Variants in TRAK1 observed in about 807,000 individuals in gnomAD.
TRAK1 encodes the protein trafficking kinesin protein 1.
In TRAK1, 33 loss-of-function variants were observed where a neutral mutation model predicts 92.1. The observed-to-expected ratio is 0.36, with a 90% CI of 0.27 to 0.48. TRAK1 has a LOEUF of 0.48. TRAK1 is among the 20% of genes least tolerant of loss of function. The probability of loss-of-function intolerance (pLI) is 0.99; values close to 1 mark genes in which losing one functional copy is unlikely to be tolerated. For synonymous variants in TRAK1, 521 were observed against 517.3 expected, an observed-to-expected ratio of 1.01 and a Z score of -0.10; for missense variants, 1,123 against 1,257.9, an observed-to-expected ratio of 0.89 and a Z score of 1.62.
At chr3:42,216,161 T>C (rs1709659175) in intron 14 of TRAK1, among the ~76,000 whole-genome samples, 1 of 152,160 alleles carries the variant, frequency 6.6e-6, no homozygotes, top group African/African-American at 2.4e-5. Flanking sequence ...CTCTTCTGTG[T>C]CCCCTTCTCC....
At chr3:42,169,090 C>T (rs1350038501) in intron 2 of TRAK1, among the ~76,000 whole-genome samples, 1 of 151,972 alleles carries the variant, frequency 6.6e-6, no homozygotes, top group East Asian at 1.9e-4. Flanking sequence ...TCCCAAAGTG[C>T]TGGGATTACA....
In TRAK1 at chr3:42,210,922, A is replaced by G. The variant is rs563846198; in HGVS notation, c.1963+937A>G. ...ACATTCCAGTTGCCACTGGGATGAA[A>G]AGCTTTGTGCTCAGAGCTCTGGGAA... On this transcript the variant is annotated intron_variant, in intron 14 of 15. Coordinates refer to ENST00000327628, the MANE Select transcript of TRAK1 (RefSeq NM_001042646.3). 2,005 of 985,404 alleles carry G rather than the reference A, an allele frequency of 2.0e-3. 5 individuals carry two copies. The highest frequency in any genetic ancestry group is 5.9e-3 in the South Asian group (126 of 21,284). The allele number at this position is 985,404 out of a possible 1,614,324, so 61.0% of individuals were successfully genotyped here. A position where few individuals can be genotyped will look rare whatever the true frequency, so the allele number is the denominator to read the frequency against.
At chr3:42,140,962 G>A (rs905704523) in intron 2 of TRAK1, among the ~76,000 whole-genome samples, 4 of 152,188 alleles carry the variant, frequency 2.6e-5, no homozygotes, top group Admixed American at 2.6e-4. Flanking sequence ...TAGGAATTGG[G>A]AAGTTGTTTT....
At chr3:42,164,549 AC>A (rs1203549908) in intron 2 of TRAK1, among the ~76,000 whole-genome samples, 4 of 152,204 alleles carry the variant, frequency 2.6e-5, no homozygotes, top group Admixed American at 2.0e-4. Context: ...TCTGTGTTTC[AC>A]CATGCCCAGG....
At chr3:42,054,848 C>T (rs565742003) in intron 1 of TRAK1, among the ~76,000 whole-genome samples, 1 of 148,754 alleles carries the variant, frequency 6.7e-6, no homozygotes, top group East Asian at 2.0e-4. Context: ...CTGTGTATGC[C>T]CAAAGCTGTA....
intron 2 of TRAK1, among the ~76,000 whole-genome samples, chr3:42,170,977 C>T (rs1702477150): frequency 6.6e-6 from 1 of 152,040 alleles, no homozygotes; most frequent in Non-Finnish European, 1.5e-5. Flanking sequence ...GTGCCTGCCA[C>T]CACACCCTGC....
chr3:42,198,440 C>T (rs1485844528), intron 10 of TRAK1, among the ~76,000 whole-genome samples: 2 of 152,180 alleles, frequency 1.3e-5, no homozygotes, highest in African/African-American at 4.8e-5. Flanking sequence ...CTAGTGGAAA[C>T]AGGAATCCTA....
chr3:42,060,052 T>A (rs1252534961), intron 1 of TRAK1, among the ~76,000 whole-genome samples: 8 of 152,132 alleles, frequency 5.3e-5, no homozygotes, highest in African/African-American at 1.9e-4. Flanking sequence ...AAACATTCTG[T>A]TTTTTTCCCA....
Position 42,176,941 on chromosome 3 carries a change from C to T in TRAK1, c.363+51C>T. ...GAGTTGTTTATAATTGACTGGTTTTCATGGATACTGATTAAAGCATGCCTT... is the reference window on the plus strand; with the variant it reads ...GAGTTGTTTATAATTGACTGGTTTTTATGGATACTGATTAAAGCATGCCTT... On this transcript the variant is annotated intron_variant, in intron 3 of 15. Coordinates refer to ENST00000327628, the MANE Select transcript of TRAK1 (RefSeq NM_001042646.3). 2.6e-6 allele frequency: 4 copies of T among 1,512,724 alleles called. No individual in the cohort carries two copies. The South Asian group carries it at 3.4e-5, about 13-fold the overall frequency. 93.7% of individuals were successfully genotyped at this position (1,512,724 alleles called of 1,614,324 possible).
intron 4 of TRAK1, among the ~76,000 whole-genome samples, chr3:42,186,511 A>C (rs1488337824): frequency 6.6e-6 from 1 of 152,212 alleles, no homozygotes; most frequent in East Asian, 1.9e-4. Context: ...TTTTAGGAGA[A>C]ATAAAGTGAT....
At chr3:42,045,557 C>A (rs1332525357) in intron 1 of TRAK1, among the ~76,000 whole-genome samples, 1 of 152,096 alleles carries the variant, frequency 6.6e-6, no homozygotes, top group African/African-American at 2.4e-5. Context: ...AAAACATAAA[C>A]CCATTGTTCT....
At chr3:42,097,267 C>G (rs974738965) in intron 1 of TRAK1, among the ~76,000 whole-genome samples, 1 of 152,208 alleles carries the variant, frequency 6.6e-6, no homozygotes, top group Middle Eastern at 3.2e-3. Flanking sequence ...GCAAATACCA[C>G]TGGGTTGGGG....
At chr3:42,078,770 AAAGAAAG>A (rs1424103366) in intron 1 of TRAK1, among the ~76,000 whole-genome samples, 13 of 130,946 alleles carry the variant, frequency 9.9e-5, no homozygotes, top group East Asian at 5.9e-4. Flanking sequence ...AAAAAAAAAA[AAAGAAAG>A]AAAGAAAGAA....
At chr3:42,211,461 A>G in intron 14 of TRAK1, 3 of 985,438 alleles carry the variant, frequency 3.0e-6, no homozygotes, top group Non-Finnish European at 2.4e-6. Flanking sequence ...AAGAGAAACC[A>G]GCTGCGGTAC....
chr3:42,175,634 C>T (rs377125777), intron 2 of TRAK1, among the ~76,000 whole-genome samples: 7 of 152,042 alleles, frequency 4.6e-5, no homozygotes, highest in South Asian at 2.1e-4. Flanking sequence ...CCAACAGATC[C>T]GATTTCTCTG....
chr3:42,179,514 C>T (rs894974431), intron 3 of TRAK1, among the ~76,000 whole-genome samples: 1 of 152,208 alleles, frequency 6.6e-6, no homozygotes, highest in African/African-American at 2.4e-5. Flanking sequence ...GAGCTTGCCT[C>T]CTCCTCGGTT....
chr3:42,104,356 C>T (rs570529127), intron 1 of TRAK1, among the ~76,000 whole-genome samples: 256 of 152,296 alleles, frequency 1.7e-3, no homozygotes, highest in Non-Finnish European at 1.8e-3. Flanking sequence ...GCGGTTCTCC[C>T]GGCATGGAGT....
chr3:42,070,799 C>A (rs1401187767), intron 1 of TRAK1, among the ~76,000 whole-genome samples: 1 of 152,174 alleles, frequency 6.6e-6, no homozygotes, highest in African/African-American at 2.4e-5. Flanking sequence ...TTTTTATGTC[C>A]CAACTGTTTG....
At chr3:42,142,175 T>C (rs1245425210) in intron 2 of TRAK1, among the ~76,000 whole-genome samples, 5 of 152,112 alleles carry the variant, frequency 3.3e-5, no homozygotes, top group African/African-American at 1.2e-4. Flanking sequence ...GAATTACACC[T>C]GCAAAGACCT....
Sources: gnomAD v4.1 joint callset for allele counts (sites outside exome capture counted in the v4.1 genomes callset) on GRCh38, gnomAD v4.1.1 for gene constraint, MANE v1.5 for transcripts, NCBI Gene and HGNC (gene_info 2026-07-23, HGNC 2026-07-21) for gene names.